Variants in WT1 observed in about 807,000 individuals in gnomAD.
The protein encoded by WT1 is WT1 transcription factor.
Under a neutral mutation model 60.8 loss-of-function variants are expected in WT1, and 8 were observed. The ratio of observed to expected loss-of-function variants is 0.13; its 90% CI spans 0.08 to 0.24. The LOEUF (loss-of-function observed/expected upper bound fraction) is 0.24, where lower values mean the gene tolerates loss of function less well. WT1 is among the 10% of genes least tolerant of loss of function. The probability of loss-of-function intolerance (pLI) is 1.00; values close to 1 mark genes in which losing one functional copy is unlikely to be tolerated. For synonymous variants in WT1, 312 were observed against 297.1 expected (o/e 1.05, Z -0.52); for missense variants, 568 against 711.8 (o/e 0.80, Z 2.30).
At chr11:32,430,280 A>G (rs1258069490) in intron 1 of WT1, among the ~76,000 whole-genome samples, 2 of 152,082 alleles carry the variant, frequency 1.3e-5, no homozygotes, top group Non-Finnish European at 2.9e-5. Flanking sequence ...GCTTCCACAG[A>G]CTTCCTTTTG....
At chr11:32,400,468 C>T in intron 5 of WT1, 1 of 331,032 alleles carries the variant, frequency 3.0e-6, no homozygotes, top group Non-Finnish European at 5.9e-6. Context: ...TCAGTTTTTA[C>T]CAGATAGCAC....
chr11:32,413,817 C>T (rs1370593578), intron 5 of WT1, among the ~76,000 whole-genome samples: 1 of 152,160 alleles, frequency 6.6e-6, no homozygotes, highest in African/African-American at 2.4e-5. Context: ...AAAAGGTTTC[C>T]ACCCATTTAA....
intron 5 of WT1, among the ~76,000 whole-genome samples, chr11:32,415,815 G>A (rs1007191961): frequency 1.3e-5 from 2 of 152,150 alleles, no homozygotes; most frequent in African/African-American, 4.8e-5. Context: ...GGGGGCGGGG[G>A]TGAGGTGAAG....
intron 1 of WT1, 75 bp from the exon 2 acceptor site, chr11:32,428,694 C>CGG: frequency 6.6e-7 from 1 of 1,524,150 alleles, no homozygotes; most frequent in Non-Finnish European, 8.7e-7. Context: ...GAACCAGCCA[C>CGG]GGGCGGGGGG....
intron 5 of WT1, among the ~76,000 whole-genome samples, chr11:32,415,206 A>C (rs1157071313): frequency 6.6e-6 from 1 of 152,234 alleles, no homozygotes; most frequent in Non-Finnish European, 1.5e-5. Context: ...ACTGAAATGT[A>C]CTGCTCACTT....
chr11:32,406,431 A>G (rs1852311358), intron 5 of WT1, among the ~76,000 whole-genome samples: 2 of 152,136 alleles, frequency 1.3e-5, no homozygotes, highest in Admixed American at 1.3e-4. Context: ...TGGTGTGGCT[A>G]TAAATACAGA....
At position 32,423,485 on chromosome 11, in the gene WT1, A is replaced by G. The variant is rs1852920670; in HGVS notation, c.887+4471T>C. 2.6e-5 allele frequency among the ~76,000 whole-genome samples: 4 copies of G among 152,366 alleles called. No individual in the cohort carries two copies. The South Asian group carries it at 8.3e-4, about 32-fold the overall frequency. On this transcript the variant is annotated intron_variant, in intron 3 of 9. Transcript: ENST00000452863. ...GAACTTTCTGTTGAAAGCTACAGGTAAAACTAATGGATAACTGACTTCTTT... is the reference window on the plus strand; with the variant it reads ...GAACTTTCTGTTGAAAGCTACAGGTGAAACTAATGGATAACTGACTTCTTT...
intron 9 of WT1, among the ~76,000 whole-genome samples, chr11:32,391,075 C>A (rs545032735): frequency 1.3e-5 from 2 of 152,124 alleles, no homozygotes; most frequent in African/African-American, 4.8e-5. Flanking sequence ...GCCTCCCAAG[C>A]AAGGTCTAGT....
intron 5 of WT1, among the ~76,000 whole-genome samples, chr11:32,408,509 C>A (rs1852391816): frequency 4.3e-5 from 3 of 68,982 alleles, no homozygotes; most frequent in Admixed American, 2.4e-4. Flanking sequence ...AAGGAGACTA[C>A]GTCTTAAAAA....
intron 9 of WT1, among the ~76,000 whole-genome samples, chr11:32,389,746 T>TC (rs1384776348): frequency 6.6e-6 from 1 of 152,044 alleles, no homozygotes; most frequent in South Asian, 2.1e-4. Context: ...TTTTTTTTTT[T>TC]CTCTTAAAGT....
chr11:32,427,087 G>T (rs1853073453), intron 3 of WT1, among the ~76,000 whole-genome samples: 1 of 152,230 alleles, frequency 6.6e-6, no homozygotes, highest in Admixed American at 6.5e-5. Flanking sequence ...GGGAGGAGGG[G>T]GCTATGAGGT....
intron 7 of WT1, among the ~76,000 whole-genome samples, chr11:32,395,301 C>T (rs900367457): frequency 2.0e-5 from 3 of 152,218 alleles, no homozygotes; most frequent in Non-Finnish European, 2.9e-5. Flanking sequence ...CACACTCCCA[C>T]CTAGTGCCCA....
chr11:32,390,794 G>T (rs1564968767), intron 9 of WT1, among the ~76,000 whole-genome samples: 1 of 152,178 alleles, frequency 6.6e-6, no homozygotes, highest in Non-Finnish European at 1.5e-5. Context: ...CTGGACTGCA[G>T]AGTAAATATC....
intron 3 of WT1, among the ~76,000 whole-genome samples, chr11:32,425,180 G>GAA (rs10540778): frequency 5.0e-5 from 6 of 119,280 alleles, no homozygotes; most frequent in Non-Finnish European, 1.0e-4. Context: ...GTCTCGAAAA[G>GAA]AAAAAAAAAA....
intron 5 of WT1, among the ~76,000 whole-genome samples, chr11:32,413,083 A>T (rs1852554822): frequency 6.6e-6 from 1 of 152,172 alleles, no homozygotes; most frequent in Admixed American, 6.5e-5. Flanking sequence ...CTTTTTTGAA[A>T]CGAAACATTT....
chr11:32,428,029 C>G lies in WT1; in HGVS notation c.814G>C (p.Val272Leu). 1.2e-6 allele frequency: 2 copies of G among 1,609,712 alleles called. No homozygotes were observed. The highest frequency in any genetic ancestry group is 1.7e-6 in the Non-Finnish European group (2 of 1,177,656). ...TCGGTGGGGGTGTGGCAGCCATAGACCGGGGGCGGCACCGAGTACTGCTGC... is the reference window on the plus strand; with the variant it reads ...TCGGTGGGGGTGTGGCAGCCATAGAGCGGGGGCGGCACCGAGTACTGCTGC... The change falls in exon 3 of 10, where the codon GTC becomes CTC. Residue 272 changes from valine to leucine, a missense_variant. Val to Leu is a conservative substitution (Grantham distance 32, BLOSUM62 1). Transcript: ENST00000452863.
At chr11:32,416,279 G>A (rs1038547765) in intron 5 of WT1, among the ~76,000 whole-genome samples, 1 of 152,048 alleles carries the variant, frequency 6.6e-6, no homozygotes, top group Non-Finnish European at 1.5e-5. Context: ...TTGTTTTCCA[G>A]GGGCATGTTG....
rs188572486 is a variant in WT1 at position 32,422,489 on chromosome 11, G to A, written c.888-4835C>T. On this transcript the variant is annotated intron_variant, in intron 3 of 9. Transcript: ENST00000452863. ...ACTAAGGGAAAAGGCAGTGTACAATGTACATAGGTACACAAGTGAAAAGAG... is the reference window on the plus strand; with the variant it reads ...ACTAAGGGAAAAGGCAGTGTACAATATACATAGGTACACAAGTGAAAAGAG... Among the ~76,000 whole-genome samples, 7 of 152,320 alleles carry A rather than the reference G, an allele frequency of 4.6e-5. No homozygotes were observed. In the South Asian group the frequency reaches 6.2e-4, roughly 14 times the overall value.
chr11:32,399,017 G>A (rs898221301), intron 6 of WT1, among the ~76,000 whole-genome samples: 22 of 151,610 alleles, frequency 1.5e-4, no homozygotes, highest in South Asian at 2.1e-4. Context: ...TTAGCCAGGC[G>A]TGGTGGTGGG....
Sources: allele counts gnomAD v4.1 joint callset (sites outside exome capture counted in the v4.1 genomes callset), GRCh38; gene constraint gnomAD v4.1.1; transcripts MANE v1.5; gene names NCBI Gene and HGNC (gene_info 2026-07-23, HGNC 2026-07-21).